The following CCDC178 variants were observed in gnomAD, a reference collection of about 807,000 sequenced individuals.
The protein encoded by CCDC178 is coiled-coil domain-containing protein 178.
In CCDC178, 126 loss-of-function variants were observed where a neutral mutation model predicts 117.4. That is an observed-to-expected ratio of 1.07 (90% CI 0.93 to 1.24). The LOEUF (loss-of-function observed/expected upper bound fraction) is 1.24. Among genes scored for constraint, CCDC178 ranks in the 50% most tolerant of loss-of-function variants. CCDC178 has a pLI of 0.00. For missense variants in CCDC178, 1,030 were observed against 986.9 expected, an observed-to-expected ratio of 1.04 and a Z score of -0.59; for synonymous variants, 283 against 313.4, an observed-to-expected ratio of 0.90 and a Z score of 1.02.
intron 17 of CCDC178, among the ~76,000 whole-genome samples, chr18:33,224,212 A>G (rs1599021361): frequency 6.6e-6 from 1 of 152,212 alleles, no homozygotes; most frequent in South Asian, 2.1e-4. Context: ...ACAAGAATGT[A>G]TAACTCTTGC....
At chr18:33,010,652 C>T (rs185663680) in intron 21 of CCDC178, among the ~76,000 whole-genome samples, 39 of 152,212 alleles carry the variant, frequency 2.6e-4, no homozygotes, top group Middle Eastern at 3.4e-3. Context: ...TTTTTGGAAA[C>T]CTGAAATCCT....
intron 20 of CCDC178, among the ~76,000 whole-genome samples, chr18:33,161,413 A>C (rs11873371): frequency 0.011 from 1,624 of 152,176 alleles, 30 homozygotes; most frequent in African/African-American, 0.036. Flanking sequence ...TCTACACAAT[A>C]TATGAAAAGG....
intron 11 of CCDC178, among the ~76,000 whole-genome samples, chr18:33,314,200 CAAAAAA>C (rs869127341): frequency 9.0e-4 from 56 of 62,410 alleles, no homozygotes; most frequent in Non-Finnish European, 1.1e-3. Flanking sequence ...GACTCCGTCT[CAAAAAA>C]AAAAAAAAAA....
At chr18:33,179,076 AAAATATATATATATATATAT>A (rs1415833003) in intron 20 of CCDC178, among the ~76,000 whole-genome samples, 1 of 88,716 alleles carries the variant, frequency 1.1e-5, no homozygotes, top group Non-Finnish European at 2.0e-5. Context: ...AAAAAAAAAA[AAAATATATATATATATATAT>A]ATATATATAT....
chr18:33,319,748 G>A (rs1340320002), intron 11 of CCDC178, among the ~76,000 whole-genome samples: 1 of 152,114 alleles, frequency 6.6e-6, no homozygotes. Flanking sequence ...GTGTGAGATG[G>A]TATCTCATTG....
At chr18:32,964,109 A>G (rs1053153145) in intron 22 of CCDC178, among the ~76,000 whole-genome samples, 3 of 151,978 alleles carry the variant, frequency 2.0e-5, no homozygotes, top group African/African-American at 7.2e-5. Flanking sequence ...TGTAGAACAA[A>G]TTAGCTTATA....
chr18:33,396,938 A>G (rs1249994226), intron 4 of CCDC178, among the ~76,000 whole-genome samples: 2 of 152,192 alleles, frequency 1.3e-5, no homozygotes, highest in East Asian at 3.8e-4. Context: ...TCAAAACGAA[A>G]AAGGAAACAC....
chr18:32,982,433 T>C (rs1190534343), intron 21 of CCDC178, among the ~76,000 whole-genome samples: 2 of 152,090 alleles, frequency 1.3e-5, no homozygotes, highest in Non-Finnish European at 2.9e-5. Context: ...AATACAAAGA[T>C]GATAGTAACT....
At chr18:33,342,903 G>C (rs1251060188) in intron 9 of CCDC178, among the ~76,000 whole-genome samples, 1 of 152,190 alleles carries the variant, frequency 6.6e-6, no homozygotes, top group Non-Finnish European at 1.5e-5. Flanking sequence ...ATTAATTACT[G>C]AGACCTTCTT....
At chr18:33,149,727 C>A (rs115802376) in intron 20 of CCDC178, among the ~76,000 whole-genome samples, 274 of 152,234 alleles carry the variant, frequency 1.8e-3, no homozygotes, top group African/African-American at 6.3e-3. Flanking sequence ...AAACATGTAG[C>A]AGATTGAATT....
intron 20 of CCDC178, among the ~76,000 whole-genome samples, chr18:33,161,326 C>T (rs2058459597): frequency 6.6e-6 from 1 of 152,004 alleles, no homozygotes; most frequent in African/African-American, 2.4e-5. Context: ...CCAAGGCTAT[C>T]ACATGAACAC....
chr18:33,073,294 C>G (rs570037757), intron 21 of CCDC178, among the ~76,000 whole-genome samples: 1 of 151,788 alleles, frequency 6.6e-6, no homozygotes, highest in African/African-American at 2.4e-5. Flanking sequence ...TATGAGAATA[C>G]AAAGTGGGAA....
intron 1 of CCDC178, 177 bp downstream of exon 1, chr18:33,440,476 C>T (rs2064368336): frequency 6.6e-6 from 1 of 152,154 alleles, no homozygotes; most frequent in African/African-American, 2.4e-5. Flanking sequence ...TCCCCACCGC[C>T]TCTGGAAGGG....
At chr18:33,089,491 A>C (rs2057430421) in intron 21 of CCDC178, among the ~76,000 whole-genome samples, 1 of 152,160 alleles carries the variant, frequency 6.6e-6, no homozygotes, top group Non-Finnish European at 1.5e-5. Flanking sequence ...CTTTGTCCAC[A>C]CAAGTATTTG....
chr18:33,039,337 T>C (rs2056503480), intron 21 of CCDC178, among the ~76,000 whole-genome samples: 1 of 152,048 alleles, frequency 6.6e-6, no homozygotes, highest in South Asian at 2.1e-4. Context: ...ATCCACATGT[T>C]AAAAGGTGAG....
intron 14 of CCDC178, among the ~76,000 whole-genome samples, chr18:33,260,949 T>C (rs1233450770): frequency 6.6e-6 from 1 of 152,254 alleles, no homozygotes; most frequent in African/African-American, 2.4e-5. Flanking sequence ...ACGAGTCATT[T>C]TACATATTGA....
intron 11 of CCDC178, among the ~76,000 whole-genome samples, chr18:33,308,914 A>G (rs2062296729): frequency 6.6e-6 from 1 of 152,218 alleles, no homozygotes; most frequent in Non-Finnish European, 1.5e-5. Flanking sequence ...GAATCAATTA[A>G]ACCTCTTTTC....
At chr18:33,022,857 T>C (rs1174449056) in intron 21 of CCDC178, among the ~76,000 whole-genome samples, 5 of 152,126 alleles carry the variant, frequency 3.3e-5, no homozygotes, top group East Asian at 1.9e-4. Flanking sequence ...ATTCTAAATA[T>C]AATGATATAT....
chr18:33,207,428 G>C (rs1281101885), intron 20 of CCDC178, among the ~76,000 whole-genome samples: 1 of 151,502 alleles, frequency 6.6e-6, no homozygotes, highest in East Asian at 1.9e-4. Context: ...AGTTGATCAA[G>C]AGAAAAATCT....
Sources: gnomAD v4.1 joint callset for allele counts (sites outside exome capture counted in the v4.1 genomes callset) on GRCh38, gnomAD v4.1.1 for gene constraint, MANE v1.5 for transcripts, NCBI Gene and HGNC (gene_info 2026-07-23, HGNC 2026-07-21) for gene names.